Variants in ADGRL2 observed in about 807,000 individuals in gnomAD.
ADGRL2 encodes adhesion G protein-coupled receptor L2.
ADGRL2 carries 44 observed loss-of-function variants against 157.4 expected under a neutral mutation model. The observed-to-expected ratio is 0.28, with a 90% CI of 0.22 to 0.36. ADGRL2 has a LOEUF of 0.36. Ranked by LOEUF, ADGRL2 falls within the 10% of genes least tolerant of loss-of-function variation. The pLI is 1.00. For missense variants in ADGRL2, 1,510 were observed against 1,768.9 expected (o/e 0.85, Z 2.63); for synonymous variants, 585 against 624.7 (o/e 0.94, Z 0.95).
intron 1 of ADGRL2, among the ~76,000 whole-genome samples, chr1:81,739,053 G>T (rs12737523): frequency 0.082 from 12,529 of 152,246 alleles, 555 homozygotes; most frequent in South Asian, 0.14. Flanking sequence ...AACCTTTTGT[G>T]CTGGTAACTG....
intron 17 of ADGRL2, among the ~76,000 whole-genome samples, chr1:81,974,437 T>G (rs1028177800): frequency 6.6e-6 from 1 of 152,200 alleles, no homozygotes; most frequent in Non-Finnish European, 1.5e-5. Context: ...CACACTCATT[T>G]AGAAGTCTTC....
At chr1:81,960,618 G>T (rs1159687372) in intron 11 of ADGRL2, among the ~76,000 whole-genome samples, 2 of 152,084 alleles carry the variant, frequency 1.3e-5, no homozygotes, top group African/African-American at 4.8e-5. Context: ...GGGATTATAG[G>T]TGCCTGCCAT....
intron 2 of ADGRL2, among the ~76,000 whole-genome samples, chr1:81,480,057 T>C (rs998964632): frequency 6.6e-6 from 1 of 152,154 alleles, no homozygotes; most frequent in Admixed American, 6.5e-5. Flanking sequence ...TAGCTGATGA[T>C]AGAAGAGGGA....
At chr1:81,716,557 T>C (rs1437537391) in intron 1 of ADGRL2, among the ~76,000 whole-genome samples, 1 of 152,168 alleles carries the variant, frequency 6.6e-6, no homozygotes, top group African/African-American at 2.4e-5. Context: ...CTCTTCCCTG[T>C]GTGGCTGGCA....
intron 1 of ADGRL2, among the ~76,000 whole-genome samples, chr1:81,820,273 A>T (rs17426805): frequency 0.078 from 11,823 of 152,244 alleles, 563 homozygotes; most frequent in South Asian, 0.2. Flanking sequence ...CTAACCAGTT[A>T]TAGATTCCTT....
intron 1 of ADGRL2, among the ~76,000 whole-genome samples, chr1:81,308,666 C>T (rs2100530953): frequency 6.6e-6 from 1 of 152,312 alleles, no homozygotes; most frequent in South Asian, 2.1e-4. Flanking sequence ...GAATGTCACA[C>T]CATCATTTCA....
chr1:81,799,449 G>T (rs1310693181), upstream of ADGRL2, among the ~76,000 whole-genome samples: 1 of 152,156 alleles, frequency 6.6e-6, no homozygotes, highest in East Asian at 1.9e-4. Flanking sequence ...ACCACCAAAA[G>T]AACATGTTCT....
rs1275066179 is a variant in ADGRL2 at position 81,478,479 on chromosome 1, A to G, written c.-248+33390A>G. On this transcript the variant is annotated intron_variant, in intron 2 of 24. Transcript: ENST00000370721. The stretch of plus-strand genomic sequence containing the variant: ...CCATTTTCTTGGAGCTTATCGAGAC[A>G]TGTGGTGCTTGCTTTAAGTGCAGCT... Among the ~76,000 whole-genome samples the G allele has an allele frequency of 2.0e-5, 3 of 152,168 alleles. 1 individual carries two copies. Among genetic ancestry groups the G allele is most frequent in the South Asian group, 4.1e-4 (2 of 4,832 alleles).
At chr1:81,930,318 CATG>C (rs372102284) in intron 3 of ADGRL2, among the ~76,000 whole-genome samples, 4 of 152,162 alleles carry the variant, frequency 2.6e-5, no homozygotes, top group Admixed American at 1.3e-4. Flanking sequence ...TTAATCTGTG[CATG>C]ATATTTTTAA....
At chr1:81,689,988 C>T (rs917687424) in intron 3 of ADGRL2, among the ~76,000 whole-genome samples, 2 of 152,202 alleles carry the variant, frequency 1.3e-5, no homozygotes, top group Admixed American at 6.5e-5. Context: ...CATTCCCCAA[C>T]ATCTGAGGTG....
At chr1:81,779,547 C>G (rs1390277330) in intron 2 of ADGRL2, among the ~76,000 whole-genome samples, 1 of 152,122 alleles carries the variant, frequency 6.6e-6, no homozygotes, top group South Asian at 2.1e-4. Context: ...TTTAGTCTTG[C>G]TAAATTTTTA....
intron 1 of ADGRL2, among the ~76,000 whole-genome samples, chr1:81,802,367 T>C (rs2088350197): frequency 6.6e-6 from 1 of 152,002 alleles, no homozygotes; most frequent in East Asian, 1.9e-4. Flanking sequence ...GCTGTTCGGC[T>C]GGCCCAGGGG....
chr1:81,803,498 C>A (rs1300684582), intron 1 of ADGRL2, among the ~76,000 whole-genome samples: 1 of 152,084 alleles, frequency 6.6e-6, no homozygotes. Context: ...ACAAGTCCTG[C>A]GGTATCTATC....
intron 3 of ADGRL2, among the ~76,000 whole-genome samples, chr1:81,654,833 T>C (rs1419430366): frequency 6.6e-6 from 1 of 152,250 alleles, no homozygotes; most frequent in African/African-American, 2.4e-5. Context: ...TTTCAATCCC[T>C]GTCTTACCAG....
In ADGRL2 at chr1:81,504,701, C is replaced by T. The variant is rs1314016674; in HGVS notation, c.-248+59612C>T. Among the ~76,000 whole-genome samples the T allele has an allele frequency of 4.6e-5, 7 of 152,034 alleles. 1 individual carries two copies. Among genetic ancestry groups the T allele is most frequent in the Non-Finnish European group, 2.9e-5 (2 of 68,018 alleles). On this transcript the variant is annotated intron_variant, in intron 2 of 24. Transcript: ENST00000370721. ...AGGCCCGCTCTCACACTGGGTCGGG[C>T]CCTGAAACCGTACCAGTTCTGAAGA...
intron 2 of ADGRL2, among the ~76,000 whole-genome samples, chr1:81,451,857 A>T (rs1013548847): frequency 6.6e-6 from 1 of 152,220 alleles, no homozygotes; most frequent in Admixed American, 6.5e-5. Flanking sequence ...AAATATATGA[A>T]TATTACATTA....
At chr1:81,598,143 G>T (rs1428100313) in intron 3 of ADGRL2, among the ~76,000 whole-genome samples, 1 of 152,170 alleles carries the variant, frequency 6.6e-6, no homozygotes, top group Admixed American at 6.5e-5. Flanking sequence ...AGTCACAGAT[G>T]TTCAGAGTAA....
At chr1:81,835,366 C>T (rs2092217427) in intron 1 of ADGRL2, among the ~76,000 whole-genome samples, 3 of 152,182 alleles carry the variant, frequency 2.0e-5, no homozygotes, top group Middle Eastern at 3.4e-3. Context: ...CATTGATGGC[C>T]TTTTAAATGT....
chr1:81,321,916 A>C (rs569833008), intron 1 of ADGRL2, among the ~76,000 whole-genome samples: 15 of 152,048 alleles, frequency 9.9e-5, no homozygotes, highest in African/African-American at 3.4e-4. Flanking sequence ...AGTAGCTGCA[A>C]AGCGCAATAA....
Sources: allele counts gnomAD v4.1 joint callset (sites outside exome capture counted in the v4.1 genomes callset), GRCh38; gene constraint gnomAD v4.1.1; transcripts MANE v1.5; gene names NCBI Gene and HGNC (gene_info 2026-07-23, HGNC 2026-07-21).